ZNF217: variants seen among roughly 807,000 people sequenced by gnomAD.
ZNF217 encodes the protein zinc finger protein 217.
In ZNF217, 12 loss-of-function variants were observed where a neutral mutation model predicts 73.3. The ratio of observed to expected loss-of-function variants is 0.16; its 90% CI spans 0.10 to 0.27. ZNF217 has a LOEUF of 0.27. ZNF217 is among the 10% of genes least tolerant of loss of function. The probability of loss-of-function intolerance (pLI) is 1.00; values close to 1 mark genes in which losing one functional copy is unlikely to be tolerated. For synonymous variants in ZNF217, 588 were observed against 516.4 expected (o/e 1.14, Z -1.88); for missense variants, 1,195 against 1,327.8 (o/e 0.90, Z 1.55).
intron 5 of ZNF217, 107 bp downstream of exon 5, chr20:53,571,614 C>A: frequency 7.3e-7 from 1 of 1,365,506 alleles, no homozygotes; most frequent in Non-Finnish European, 9.6e-7. Context: ...ACCATGTTGG[C>A]CAAGCTGGTC....
Position 53,582,649 on chromosome 20 carries a change from C to G in ZNF217, c.178G>C (p.Glu60Gln). 1 of 1,614,138 alleles carries G rather than the reference C, an allele frequency of 6.2e-7. No homozygotes were observed. Among genetic ancestry groups the G allele is most frequent in the Non-Finnish European group, 8.5e-7 (1 of 1,180,026 alleles). ...ATQEKNVIQI[E>Q]GYMPLDCMFC... ...ATGCAATCCAAGGGCATATACCCCT[C>G]GATTTGGATGACATTTTTTTCTTGT... The change falls in exon 2 of 6, where the codon GAG (glutamate) becomes CAG (glutamine). Residue 60 changes from glutamate to glutamine, a missense_variant. Glu to Gln is a conservative substitution (Grantham distance 29). Coordinates refer to ENST00000371471, the MANE Select transcript of ZNF217 (RefSeq NM_006526.3). This position sits in a 1 kb window ranked among gnomAD's most constrained non-coding sequence, Gnocchi z 4.8.
chr20:53,577,564 C>T (rs1329433022), intron 3 of ZNF217, among the ~76,000 whole-genome samples: 2 of 152,172 alleles, frequency 1.3e-5, no homozygotes, highest in Non-Finnish European at 1.5e-5. Flanking sequence ...GCAAAGAAAA[C>T]TAAAAGCACA....
intron 4 of ZNF217, chr20:53,574,799 A>C (rs1034299845): frequency 6.7e-6 from 1 of 149,352 alleles, no homozygotes; most frequent in African/African-American, 2.5e-5. Flanking sequence ...CGTCTCAAAA[A>C]AAAAAAAAAA....
In ZNF217 at chr20:53,581,974, T is replaced by C; in HGVS notation, c.853A>G (p.Arg285Gly). ...AACGGATCGAGCTGAGGGATGCATC[T>C]GACAGGCTTCTTCCCCGTTTCAGGG... ...SHPETGKKPV[R>G]CIPQLDPFTT... Residue 285 changes from arginine (R) to glycine (G), a missense_variant, in exon 2 of 6, where the codon AGA becomes GGA. Arg to Gly is a moderately radical substitution (Grantham distance 125). Around this residue, in one of 9 missense-constraint regions of ZNF217, gnomAD observed 126 missense variants for 114.4 expected, o/e 1.10. Transcript: ENST00000371471. The surrounding 1 kb of genome is among the most constrained non-coding windows in gnomAD (Gnocchi z 4.9). 6.2e-7 allele frequency: 1 copy of C among 1,614,224 alleles called. No individual in the cohort carries two copies. The highest frequency in any genetic ancestry group is 8.5e-7 in the Non-Finnish European group (1 of 1,180,038).
At position 53,581,718 on chromosome 20, in the gene ZNF217, C is replaced by A; in HGVS notation, c.1109G>T (p.Ser370Ile). The part of the protein sequence containing the change: ...SVDADPKLPS[S>I]KEKPTHCSEC... Reference sequence around the variant, plus strand: ...GGAGCAGTGAGTGGGCTTCTCCTTGCTACTGGGTAACTTGGGATCCGCGTC... The same window carrying A: ...GGAGCAGTGAGTGGGCTTCTCCTTGATACTGGGTAACTTGGGATCCGCGTC... The change falls in exon 2 of 6, where the codon AGC becomes ATC. Residue 370 changes from serine to isoleucine, a missense_variant. This residue lies in a region of ZNF217 where 102 missense variants were observed against 91.9 expected (regional missense o/e 1.11). Coordinates refer to ENST00000371471, the MANE Select transcript of ZNF217 (RefSeq NM_006526.3). The surrounding 1 kb of genome is among the most constrained non-coding windows in gnomAD (Gnocchi z 4.9). 1 of 1,614,268 alleles carries A rather than the reference C, an allele frequency of 6.2e-7. No homozygotes were observed. Among genetic ancestry groups the A allele is most frequent in the Non-Finnish European group, 8.5e-7 (1 of 1,180,046 alleles).
chr20:53,579,381 A>G (rs1434956037), intron 2 of ZNF217, among the ~76,000 whole-genome samples: 1 of 152,196 alleles, frequency 6.6e-6, no homozygotes, highest in Admixed American at 6.5e-5. Context: ...TAAAGAAAGA[A>G]AAAAAAATTT....
Position 53,582,051 on chromosome 20 carries a change from G to A in ZNF217, c.776C>T (p.Pro259Leu), listed in dbSNP as rs768625913. ...CTGCAGGAAGTCCTCCCTCGAGGACGGCATTCCTCCTTGTGGAGAGTCTGT... is the reference window on the plus strand; with the variant it reads ...CTGCAGGAAGTCCTCCCTCGAGGACAGCATTCCTCCTTGTGGAGAGTCTGT... ...AQTDSPQGGMPSSREDFLQLF... is the reference protein window; with the variant it reads ...AQTDSPQGGMLSSREDFLQLF... Residue 259 changes from proline to leucine, a missense_variant, in exon 2 of 6, where the codon CCG (proline) becomes CTG (leucine). Pro to Leu is a moderately conservative substitution (Grantham distance 98). Coordinates refer to ENST00000371471, the MANE Select transcript of ZNF217 (RefSeq NM_006526.3). The surrounding 1 kb of genome is among the most constrained non-coding windows in gnomAD (Gnocchi z 4.8). 13 of 1,614,104 alleles carry A rather than the reference G, an allele frequency of 8.1e-6. No individual in the cohort carries two copies. Among genetic ancestry groups the A allele is most frequent in the Non-Finnish European group, 1.1e-5 (13 of 1,180,050 alleles).
At position 53,575,985 on chromosome 20, in the gene ZNF217, G is replaced by A; in HGVS notation, c.2779C>T (p.Leu927Phe). 1 of 1,614,208 alleles carries A rather than the reference G, an allele frequency of 6.2e-7. No individual in the cohort carries two copies. The highest frequency in any genetic ancestry group is 8.5e-7 in the Non-Finnish European group (1 of 1,180,040). Residue 927 changes from leucine to phenylalanine, a missense_variant, in exon 4 of 6, where the codon CTT becomes TTT. Coordinates refer to ENST00000371471, the MANE Select transcript of ZNF217 (RefSeq NM_006526.3). ...TTGGCCCCGGGCTGGTCAACGTCAA[G>A]GGCAACCACGCTGGACTTCAGTCTT... The part of the protein sequence containing the change: ...PKRLKSSVVA[L>F]DVDQPGANYR...
At chr20:53,592,943 G>A (rs1394611934) in intron 1 of ZNF217, among the ~76,000 whole-genome samples, 1 of 151,858 alleles carries the variant, frequency 6.6e-6, no homozygotes, top group Non-Finnish European at 1.5e-5. Context: ...AGCTGGCTTT[G>A]GGTGTTCCAC....
At position 53,581,376 on chromosome 20, in the gene ZNF217, G is replaced by T; in HGVS notation, c.1366+85C>A. 6.7e-7 allele frequency: 1 copy of T among 1,502,680 alleles called. No homozygotes were observed. Among genetic ancestry groups the T allele is most frequent in the Non-Finnish European group, 8.9e-7 (1 of 1,129,194 alleles). The allele number at this position is 1,502,680 out of a possible 1,614,324, so 93.1% of individuals were successfully genotyped here. The stretch of plus-strand genomic sequence containing the variant: ...CCAAACCCCATTCCTGGCCAGCGTT[G>T]TCTGGAGATGGGAATAGAGAGGGGG... On this transcript the variant is annotated intron_variant, in intron 2 of 5. Coordinates refer to ENST00000371471, the MANE Select transcript of ZNF217 (RefSeq NM_006526.3). The surrounding 1 kb of genome is among the most constrained non-coding windows in gnomAD (Gnocchi z 4.9).
chr20:53,581,534 A>T lies in ZNF217; in HGVS notation c.1293T>A (p.Asn431Lys). 6.2e-7 allele frequency: 1 copy of T among 1,614,128 alleles called. No homozygotes were observed. Among genetic ancestry groups the T allele is most frequent in the Non-Finnish European group, 8.5e-7 (1 of 1,179,988 alleles). ...CACCTTCCCCTCGATCCACGGCTCCATTTTCATCCAGAGGGGCGGCGAGGT... is the reference window on the plus strand; with the variant it reads ...CACCTTCCCCTCGATCCACGGCTCCTTTTTCATCCAGAGGGGCGGCGAGGT... ...SPDLAAPLDENGAVDRGEGGS... is the reference protein window; with the variant it reads ...SPDLAAPLDEKGAVDRGEGGS... Residue 431 changes from asparagine to lysine, a missense_variant, in exon 2 of 6, where the codon AAT becomes AAA. By Grantham distance (94) the Asn-to-Lys change is moderately conservative (BLOSUM62 0). Around this residue, in one of 9 missense-constraint regions of ZNF217, gnomAD observed 116 missense variants for 121.9 expected, o/e 0.95. Coordinates refer to ENST00000371471, the MANE Select transcript of ZNF217 (RefSeq NM_006526.3). The surrounding 1 kb of genome is among the most constrained non-coding windows in gnomAD (Gnocchi z 4.9).
intron 1 of ZNF217, among the ~76,000 whole-genome samples, chr20:53,590,213 A>G (rs1441216088): frequency 2.0e-5 from 3 of 152,134 alleles, no homozygotes; most frequent in Non-Finnish European, 4.4e-5. Flanking sequence ...TTTCATTCCT[A>G]CTTTCTAATT....
chr20:53,585,095 GAAAAAA>G (rs748460021), intron 1 of ZNF217, among the ~76,000 whole-genome samples: 3 of 46,960 alleles, frequency 6.4e-5, no homozygotes, highest in Admixed American at 2.9e-4. Context: ...GTGAGAATTT[GAAAAAA>G]AAAAAAAAAA....
In ZNF217 at chr20:53,582,501, T is replaced by C; in HGVS notation, c.326A>G (p.Asp109Gly). 3.1e-6 allele frequency: 5 copies of C among 1,614,230 alleles called. No homozygotes were observed. Among genetic ancestry groups the C allele is most frequent in the Non-Finnish European group, 4.2e-6 (5 of 1,180,044 alleles). ...AGGTTCTGTTCGCACTTGACTTTTA[T>C]CAAGCGGACTGAGATACTCTGCTTC... ...RVEAEYLSPLDKSQVRTEPPK... is the reference protein window; with the variant it reads ...RVEAEYLSPLGKSQVRTEPPK... The change falls in exon 2 of 6, where the codon GAT (aspartate) becomes GGT (glycine). Residue 109 changes from aspartate to glycine, a missense_variant. Coordinates refer to ENST00000371471, the MANE Select transcript of ZNF217 (RefSeq NM_006526.3). The surrounding 1 kb of genome is among the most constrained non-coding windows in gnomAD (Gnocchi z 4.8).
chr20:53,579,887 G>A (rs1988422829), intron 2 of ZNF217, among the ~76,000 whole-genome samples: 1 of 152,168 alleles, frequency 6.6e-6, no homozygotes, highest in Non-Finnish European at 1.5e-5. Context: ...AGAACTCAAC[G>A]CCAAGCTGGG....
At chr20:53,590,855 G>GACTT (rs1487883619) in intron 1 of ZNF217, among the ~76,000 whole-genome samples, 1 of 152,178 alleles carries the variant, frequency 6.6e-6, no homozygotes, top group Non-Finnish European at 1.5e-5. Flanking sequence ...GTTTATAAGT[G>GACTT]ACTTGATGAT....
At chr20:53,579,388 A>G (rs938386400) in intron 2 of ZNF217, among the ~76,000 whole-genome samples, 1 of 152,234 alleles carries the variant, frequency 6.6e-6, no homozygotes, top group Admixed American at 6.5e-5. Context: ...AGAAAAAAAA[A>G]TTTACTTGAT....
chr20:53,577,887 G>A (rs1244395939), intron 3 of ZNF217, among the ~76,000 whole-genome samples: 3 of 152,184 alleles, frequency 2.0e-5, no homozygotes, highest in Non-Finnish European at 2.9e-5. Flanking sequence ...CAAGGTGAGC[G>A]GATCACTTGA....
chr20:53,574,250 A>C (rs1286065223), intron 4 of ZNF217: 2 of 152,180 alleles, frequency 1.3e-5, no homozygotes, highest in Non-Finnish European at 2.9e-5. Flanking sequence ...CAGTTGGTTG[A>C]ATCCACTGAG....
Sources: allele counts gnomAD v4.1 joint callset (sites outside exome capture counted in the v4.1 genomes callset), GRCh38; gene constraint gnomAD v4.1.1; regional missense constraint gnomAD v4.1.1; non-coding constraint Gnocchi (gnomAD v3.1); transcripts MANE v1.5; gene names NCBI Gene and HGNC (gene_info 2026-07-23, HGNC 2026-07-21).